ATP13A3: variants seen among roughly 807,000 people sequenced by gnomAD.
ATP13A3 encodes polyamine-transporting ATPase 13A3.
A neutral mutation model predicts 158.1 loss-of-function variants in ATP13A3; 59 were observed. That is an observed-to-expected ratio of 0.37 (90% CI 0.30 to 0.46). ATP13A3 has a LOEUF of 0.46. Ranked by LOEUF, ATP13A3 falls within the 20% of genes least tolerant of loss-of-function variation. The probability of loss-of-function intolerance (pLI) is 1.00; values close to 1 mark genes in which losing one functional copy is unlikely to be tolerated. For missense variants in ATP13A3, 1,166 were observed against 1,525.2 expected (o/e 0.76, Z 3.92); for synonymous variants, 491 against 504.3 (o/e 0.97, Z 0.35).
At chr3:194,436,231 C>G (rs1271544292) in intron 20 of ATP13A3, among the ~76,000 whole-genome samples, 2 of 151,990 alleles carry the variant, frequency 1.3e-5, no homozygotes, top group Non-Finnish European at 2.9e-5. Flanking sequence ...ATGCTAGGTA[C>G]ATCATGAAAT....
At chr3:194,417,445 A>ACACACACACACACACACACAC (rs1560072213) in intron 31 of ATP13A3, among the ~76,000 whole-genome samples, 2 of 148,832 alleles carry the variant, frequency 1.3e-5, no homozygotes, top group Non-Finnish European at 3.0e-5. Flanking sequence ...ACACACACAC[A>ACACACACACACACACACACAC]AAAGGAGGAA....
Position 194,447,099 on chromosome 3 carries a change from A to G in ATP13A3, c.1325T>C (p.Ile442Thr). 1 of 1,608,612 alleles carries G rather than the reference A, an allele frequency of 6.2e-7. No homozygotes were observed. Among genetic ancestry groups the G allele is most frequent in the Non-Finnish European group, 8.5e-7 (1 of 1,178,662 alleles). Residue 442 changes from isoleucine (I) to threonine (T), a missense_variant, in exon 14 of 34, where the codon ATA (isoleucine) becomes ACA (threonine). Coordinates refer to ENST00000645319, the MANE Select transcript of ATP13A3 (RefSeq NM_001367549.1). Reference sequence around the variant, plus strand: ...GATAATATCAAGAGACTCGATAATTATGACCCCAACTTGTACCTACAATTA... The same window carrying G: ...GATAATATCAAGAGACTCGATAATTGTGACCCCAACTTGTACCTACAATTA... ...SILNEVQVGV[I>T]IIESLDIITI...
chr3:194,438,973 C>A lies in ATP13A3; in HGVS notation c.1711-1G>T. Reference sequence around the variant, plus strand: ...CTTCTTCAGTTGCTTCTTCCAGAATCTGGAAAAAAAAAAGAGACAAAAAAA... The same window carrying A: ...CTTCTTCAGTTGCTTCTTCCAGAATATGGAAAAAAAAAAGAGACAAAAAAA... On this transcript the variant is annotated splice_acceptor_variant, in intron 16 of 33. Transcript: ENST00000645319. LOFTEE classifies it high-confidence loss of function. 1.3e-6 allele frequency: 2 copies of A among 1,544,628 alleles called. No homozygotes were observed. The highest frequency in any genetic ancestry group is 1.8e-6 in the Non-Finnish European group (2 of 1,140,824).
intron 10 of ATP13A3, chr3:194,450,479 A>G (rs985784407): frequency 8.2e-5 from 43 of 524,648 alleles, no homozygotes; most frequent in South Asian, 8.1e-4. Flanking sequence ...GTCTCCTGCT[A>G]GGACACCAGC....
Position 194,406,126 on chromosome 3 carries a change from TAAG to T in ATP13A3, c.3574-13_3574-11del. 1 of 1,611,826 alleles carries T rather than the reference TAAG, an allele frequency of 6.2e-7. No homozygotes were observed. The highest frequency in any genetic ancestry group is 8.5e-7 in the Non-Finnish European group (1 of 1,179,468). On this transcript the variant is annotated splice_polypyrimidine_tract_variant and intron_variant, in intron 33 of 33. Transcript: ENST00000645319. ...ACCGATCCACTGACTCCTAAGAAAA[TAAG>T]AAAAAAACAAAACAAAACACCCCAG...
At chr3:194,419,616 C>T (rs1419410269) in intron 31 of ATP13A3, among the ~76,000 whole-genome samples, 1 of 152,000 alleles carries the variant, frequency 6.6e-6, no homozygotes, top group Non-Finnish European at 1.5e-5. Flanking sequence ...TAACAGGTAC[C>T]AGGATCAACG....
chr3:194,411,692 G>A (rs574543409), intron 33 of ATP13A3, among the ~76,000 whole-genome samples: 1 of 152,126 alleles, frequency 6.6e-6, no homozygotes, highest in Non-Finnish European at 1.5e-5. Context: ...CAACGCTGGA[G>A]AAAGCCAAAA....
intron 2 of ATP13A3, among the ~76,000 whole-genome samples, chr3:194,464,910 T>C (rs9879810): frequency 0.39 from 58,808 of 151,844 alleles, 15,721 homozygotes; most frequent in African/African-American, 0.77. Context: ...AGCCACCACA[T>C]CCCATGGGGT....
At chr3:194,445,572 C>A (rs1472281437) in intron 14 of ATP13A3, among the ~76,000 whole-genome samples, 2 of 152,164 alleles carry the variant, frequency 1.3e-5, no homozygotes, top group Non-Finnish European at 1.5e-5. Flanking sequence ...TTATTATACA[C>A]ACATCTTTTC....
chr3:194,422,870 T>C (rs1716490506), intron 30 of ATP13A3, among the ~76,000 whole-genome samples: 1 of 151,022 alleles, frequency 6.6e-6, no homozygotes, highest in South Asian at 2.1e-4. Flanking sequence ...CCTTATCCAG[T>C]TATGTCTTTA....
intron 15 of ATP13A3, among the ~76,000 whole-genome samples, chr3:194,441,687 A>G (rs569543698): frequency 6.6e-6 from 1 of 152,262 alleles, no homozygotes; most frequent in South Asian, 2.1e-4. Context: ...GGAGGGGGCC[A>G]TCTCAGTAAA....
At position 194,413,526 on chromosome 3, in the gene ATP13A3, T is replaced by C. The variant is rs369825343; in HGVS notation, c.3483+233A>G. On this transcript the variant is annotated intron_variant, in intron 32 of 33. Transcript: ENST00000645319. ...TTCTACTCGTCATTAATTTTTATTA[T>C]CACATTGCTTATTTTCTCCTATCTG... Among the ~76,000 whole-genome samples the C allele has an allele frequency of 4.6e-5, 7 of 152,342 alleles. No individual in the cohort carries two copies. In the East Asian group the frequency reaches 1.2e-3, roughly 25 times the overall value.
chr3:194,419,283 C>A (rs537489692), intron 31 of ATP13A3, among the ~76,000 whole-genome samples: 2 of 152,198 alleles, frequency 1.3e-5, no homozygotes, highest in East Asian at 3.9e-4. Context: ...CAGGGAATGA[C>A]AGGGAAAATC....
chr3:194,429,547 A>C (rs1260105280), intron 27 of ATP13A3, 131 bp downstream of exon 27: 1 of 520,424 alleles, frequency 1.9e-6, no homozygotes, highest in Non-Finnish European at 3.3e-6. Flanking sequence ...CAGTAAATTG[A>C]AGGTAAATTT....
chr3:194,448,409 C>A lies in ATP13A3; in HGVS notation c.1150+48G>T. 6.3e-7 allele frequency: 1 copy of A among 1,583,674 alleles called. No individual in the cohort carries two copies. Among genetic ancestry groups the A allele is most frequent in the Non-Finnish European group, 8.7e-7 (1 of 1,153,636 alleles). The stretch of plus-strand genomic sequence containing the variant: ...CTCTTTTTAAACATTTAGTAGGTAT[C>A]AAATATGCTGAAACATGCAAAAAGA... On this transcript the variant is annotated intron_variant, in intron 12 of 33. Transcript: ENST00000645319. The surrounding 1 kb of genome is among the most constrained non-coding windows in gnomAD (Gnocchi z 4.0).
chr3:194,405,738 C>A lies in ATP13A3; in HGVS notation c.*181G>T. The A allele has an allele frequency of 1.6e-6, 1 of 621,810 alleles. No individual in the cohort carries two copies. The highest frequency in any genetic ancestry group is 2.1e-5 in the South Asian group (1 of 47,078). The allele number at this position is 621,810 out of a possible 1,614,324, so 38.5% of individuals were successfully genotyped here. On this transcript the variant is annotated 3_prime_UTR_variant, in exon 34 of 34. Transcript: ENST00000645319. ...CTTTATGGATTGATTGTTAATTTAA[C>A]TGTTAGGACGATATATTTTTCTGTT...
In ATP13A3 at chr3:194,441,427, T is replaced by C. The variant is rs368297588; in HGVS notation, c.1594A>G (p.Met532Val). ...GCAACAAACTGGGATTTTACCAACA[T>C]CTCATTGCACACATTTTCTTCTGGT... ...LSPEENVCNE[M>V]LVKSQFVACM... Residue 532 changes from methionine (M) to valine (V), a missense_variant, in exon 16 of 34, where the codon ATG becomes GTG. Transcript: ENST00000645319. 12 of 1,613,584 alleles carry C rather than the reference T, an allele frequency of 7.4e-6. No individual in the cohort carries two copies. Among genetic ancestry groups the C allele is most frequent in the Non-Finnish European group, 1.0e-5 (12 of 1,179,600 alleles).
At chr3:194,471,009 GA>G in intron 2 of ATP13A3, among the ~76,000 whole-genome samples, 2 of 152,330 alleles carry the variant, frequency 1.3e-5, no homozygotes, top group Middle Eastern at 6.8e-3. Context: ...GAGTGAGGAA[GA>G]GACACTAGTG....
At chr3:194,419,733 T>G in intron 31 of ATP13A3, 146 bp downstream of exon 31, 1 of 1,314,444 alleles carries the variant, frequency 7.6e-7, no homozygotes, top group Non-Finnish European at 9.9e-7. Flanking sequence ...AAGCTGCTAT[T>G]TTCATTAGGT....
Sources: allele counts gnomAD v4.1 joint callset (sites outside exome capture counted in the v4.1 genomes callset), GRCh38; gene constraint gnomAD v4.1.1; non-coding constraint Gnocchi (gnomAD v3.1); transcripts MANE v1.5; gene names NCBI Gene and HGNC (gene_info 2026-07-23, HGNC 2026-07-21).